The following SNX29 variants were observed in gnomAD, a reference collection of about 807,000 sequenced individuals.
The protein encoded by SNX29 is sorting nexin 29.
In SNX29, 78 loss-of-function variants were observed where a neutral mutation model predicts 102.1. The ratio of observed to expected loss-of-function variants is 0.76; its 90% CI spans 0.64 to 0.92. The LOEUF (loss-of-function observed/expected upper bound fraction) is 0.92, where lower values mean the gene tolerates loss of function less well. Among genes scored for constraint, SNX29 ranks in the 40% least tolerant of loss-of-function variants. SNX29 has a pLI of 0.00. For missense variants in SNX29, 1,280 were observed against 1,061.7 expected, an observed-to-expected ratio of 1.21 and a Z score of -2.86; for synonymous variants, 580 against 414.5, an observed-to-expected ratio of 1.40 and a Z score of -4.85.
In SNX29 at chr16:12,259,187, G is replaced by C. The variant is rs563705284; in HGVS notation, c.1679-18746G>C. Reference sequence around the variant, plus strand: ...GGGCTTTTGAAATAGCCTCTGGTTTGTCATTTATTATATCGTTCCGATTTG... The same window carrying C: ...GGGCTTTTGAAATAGCCTCTGGTTTCTCATTTATTATATCGTTCCGATTTG... On this transcript the variant is annotated intron_variant, in intron 14 of 20. Transcript: ENST00000566228. 3.3e-5 allele frequency among the ~76,000 whole-genome samples: 5 copies of C among 152,284 alleles called. No homozygotes were observed. The East Asian group carries it at 7.7e-4, about 23-fold the overall frequency.
chr16:12,462,011 A>ATG (rs1344007185), intron 18 of SNX29, among the ~76,000 whole-genome samples: 1 of 67,808 alleles, frequency 1.5e-5, no homozygotes, highest in Non-Finnish European at 2.6e-5. Flanking sequence ...ATATATATAT[A>ATG]TGTATACACA....
intron 19 of SNX29, among the ~76,000 whole-genome samples, chr16:12,523,368 C>G (rs369589930): frequency 6.6e-6 from 1 of 152,230 alleles, no homozygotes; most frequent in Non-Finnish European, 1.5e-5. Flanking sequence ...GGAATGACCC[C>G]GTTCCTCCAC....
intron 20 of SNX29, among the ~76,000 whole-genome samples, chr16:12,553,488 G>A (rs536995922): frequency 5.9e-5 from 9 of 152,278 alleles, no homozygotes; most frequent in South Asian, 4.1e-4. Context: ...CTTAGACCAG[G>A]CAGGGCAGGT....
At position 12,441,333 on chromosome 16, in the gene SNX29, C is replaced by T. The variant is rs577592230; in HGVS notation, c.2038-36386C>T. On this transcript the variant is annotated intron_variant, in intron 18 of 20. Transcript: ENST00000566228. ...CCAATCTCCTGACCTTGTGATCCAC[C>T]CACCTCGGCCTCCCAAAGTGCTGGG... 5.3e-5 allele frequency among the ~76,000 whole-genome samples: 8 copies of T among 152,146 alleles called. 1 individual carries two copies. Among genetic ancestry groups the T allele is most frequent in the African/African-American group, 1.2e-4 (5 of 41,496 alleles).
chr16:12,473,923 C>T (rs1218347267), intron 18 of SNX29, among the ~76,000 whole-genome samples: 1 of 152,214 alleles, frequency 6.6e-6, no homozygotes, highest in Non-Finnish European at 1.5e-5. Flanking sequence ...GGGCAACCAG[C>T]AGCTCTCGGG....
chr16:12,277,412 C>T (rs557823501), intron 14 of SNX29, among the ~76,000 whole-genome samples: 1 of 151,910 alleles, frequency 6.6e-6, no homozygotes, highest in Non-Finnish European at 1.5e-5. Flanking sequence ...CTCAAAAAAA[C>T]AAACAAAACC....
intron 14 of SNX29, among the ~76,000 whole-genome samples, chr16:12,215,316 A>G (rs1283003559): frequency 8.1e-6 from 1 of 123,154 alleles, no homozygotes; most frequent in African/African-American, 3.9e-5. Context: ...CTCTACAGAA[A>G]AAAAAAAAAA....
intron 20 of SNX29, among the ~76,000 whole-genome samples, chr16:12,530,246 A>C (rs936925996): frequency 2.0e-5 from 3 of 152,134 alleles, no homozygotes; most frequent in Admixed American, 6.5e-5. Flanking sequence ...GTCTTTTAGG[A>C]GCTTTTAGAA....
intron 14 of SNX29, among the ~76,000 whole-genome samples, chr16:12,252,291 C>A (rs1483485181): frequency 1.3e-5 from 2 of 151,688 alleles, no homozygotes; most frequent in African/African-American, 2.4e-5. Context: ...GCTTTTGAAT[C>A]CCCTGGCTGG....
intron 13 of SNX29, among the ~76,000 whole-genome samples, chr16:12,179,998 C>G (rs540770481): frequency 6.6e-6 from 1 of 152,280 alleles, no homozygotes; most frequent in South Asian, 2.1e-4. Flanking sequence ...CTTTCAGTCT[C>G]TTTCAATGTG....
At chr16:12,253,484 G>C (rs1243915116) in intron 14 of SNX29, among the ~76,000 whole-genome samples, 2 of 152,234 alleles carry the variant, frequency 1.3e-5, no homozygotes, top group African/African-American at 4.8e-5. Context: ...AGGGGGCTCA[G>C]GAGTGTGGGG....
chr16:12,130,218 T>C (rs56780928), intron 13 of SNX29, among the ~76,000 whole-genome samples: 5,214 of 149,456 alleles, frequency 0.035, 149 homozygotes, highest in East Asian at 0.2. Context: ...GGCTGACACC[T>C]GTAATCCCAA....
At chr16:12,018,589 A>G (rs2056920171) in intron 3 of SNX29, among the ~76,000 whole-genome samples, 1 of 151,762 alleles carries the variant, frequency 6.6e-6, no homozygotes, top group Non-Finnish European at 1.5e-5. Flanking sequence ...TCTCAAGAAA[A>G]AAAAAAAAGA....
At chr16:12,534,405 C>G (rs2077014703) in intron 20 of SNX29, among the ~76,000 whole-genome samples, 1 of 152,206 alleles carries the variant, frequency 6.6e-6, no homozygotes, top group Admixed American at 6.5e-5. Context: ...GCTTCTTGTC[C>G]TCTGTGTAGC....
At chr16:12,220,254 T>G (rs2077441065) in intron 14 of SNX29, among the ~76,000 whole-genome samples, 1 of 149,428 alleles carries the variant, frequency 6.7e-6, no homozygotes, top group Admixed American at 6.8e-5. Context: ...CTTTTTGTGT[T>G]GGTTCTGCTT....
intron 7 of SNX29, 149 bp downstream of exon 7, chr16:12,048,769 A>G (rs1016137780): frequency 2.2e-6 from 3 of 1,382,278 alleles, no homozygotes; most frequent in Non-Finnish European, 3.0e-6. Flanking sequence ...TCTCATCCTC[A>G]TTCACTCTGA....
intron 3 of SNX29, among the ~76,000 whole-genome samples, chr16:12,023,043 C>T (rs1176113652): frequency 6.6e-6 from 1 of 151,738 alleles, no homozygotes; most frequent in African/African-American, 2.4e-5. Context: ...ATTACAGGTG[C>T]CTGCTGTAAC....
chr16:12,214,308 G>A (rs959595275), intron 14 of SNX29, among the ~76,000 whole-genome samples: 66 of 152,334 alleles, frequency 4.3e-4, no homozygotes, highest in African/African-American at 1.4e-3. Flanking sequence ...GAGGCCAGAC[G>A]TATATTTATT....
chr16:12,539,601 C>G (rs989835622), intron 20 of SNX29, among the ~76,000 whole-genome samples: 2 of 152,148 alleles, frequency 1.3e-5, no homozygotes, highest in African/African-American at 2.4e-5. Flanking sequence ...GCGGCAAATA[C>G]CTAAGAGTTG....
Sources: allele counts gnomAD v4.1 joint callset (sites outside exome capture counted in the v4.1 genomes callset), GRCh38; gene constraint gnomAD v4.1.1; transcripts MANE v1.5; gene names NCBI Gene and HGNC (gene_info 2026-07-23, HGNC 2026-07-21).